Variants in FAM114A1 observed in about 807,000 individuals in gnomAD.
FAM114A1 encodes protein NOXP20.
Under a neutral mutation model 64.3 loss-of-function variants are expected in FAM114A1, and 62 were observed. That is an observed-to-expected ratio of 0.96 (90% CI 0.79 to 1.19). The LOEUF is 1.19. Ranked by LOEUF, FAM114A1 falls within the 50% of genes most tolerant of loss-of-function variation. The pLI, the probability that FAM114A1 is intolerant of heterozygous loss-of-function variation, is 0.00. For missense variants in FAM114A1, 645 were observed against 676.3 expected, an observed-to-expected ratio of 0.95 and a Z score of 0.51; for synonymous variants, 254 against 251.1, an observed-to-expected ratio of 1.01 and a Z score of -0.11.
intron 9 of FAM114A1, among the ~76,000 whole-genome samples, chr4:38,923,809 A>T (rs1719859856): frequency 6.6e-6 from 1 of 152,000 alleles, no homozygotes; most frequent in Non-Finnish European, 1.5e-5. Context: ...CCTCAAGGAG[A>T]TTAGAACTTA....
At chr4:38,879,145 C>T (rs1024689680) in intron 3 of FAM114A1, among the ~76,000 whole-genome samples, 3 of 151,936 alleles carry the variant, frequency 2.0e-5, no homozygotes, top group Non-Finnish European at 2.9e-5. Flanking sequence ...CATGTGGGGC[C>T]GGGCAGGGGT....
chr4:38,900,512 C>A (rs1115259), intron 4 of FAM114A1, among the ~76,000 whole-genome samples: 2 of 151,880 alleles, frequency 1.3e-5, no homozygotes, highest in South Asian at 2.1e-4. Context: ...TGTCGACAGA[C>A]GAATGGAAAA....
At chr4:38,887,879 C>A (rs1277991714) in intron 3 of FAM114A1, among the ~76,000 whole-genome samples, 1 of 152,134 alleles carries the variant, frequency 6.6e-6, no homozygotes, top group African/African-American at 2.4e-5. Flanking sequence ...CCCTTTTTAG[C>A]GTAGCTATGT....
chr4:38,940,414 A>T (rs1021062796), intron 13 of FAM114A1, among the ~76,000 whole-genome samples: 1 of 152,152 alleles, frequency 6.6e-6, no homozygotes, highest in Non-Finnish European at 1.5e-5. Flanking sequence ...GGCTTAGACT[A>T]GGTTAGGTGA....
At chr4:38,937,039 G>A (rs138783648) in intron 13 of FAM114A1, among the ~76,000 whole-genome samples, 26 of 152,274 alleles carry the variant, frequency 1.7e-4, no homozygotes, top group East Asian at 3.9e-4. Context: ...CTTAGTAGGC[G>A]CAGAGAAAAG....
chr4:38,871,090 T>G lies in FAM114A1; in HGVS notation c.-9+2544T>G, dbSNP rs533203523. ...ATGGCTTTCTTTTTTTTCTTTCTTTTTTTTTTTTTTTTTTTTTGCGACAGG... is the reference window on the plus strand; with the variant it reads ...ATGGCTTTCTTTTTTTTCTTTCTTTGTTTTTTTTTTTTTTTTTGCGACAGG... On this transcript the variant is annotated intron_variant, in intron 2 of 14. Coordinates refer to ENST00000358869, the MANE Select transcript of FAM114A1 (RefSeq NM_138389.4). Among the ~76,000 whole-genome samples the G allele has an allele frequency of 2.9e-5, 4 of 137,384 alleles. No homozygotes were observed. The East Asian group carries it at 8.1e-4, about 28-fold the overall frequency. The allele number at this position is 137,384 out of a possible 152,430, so 90.1% of individuals were successfully genotyped here.
chr4:38,876,169 C>CTTTTTTTTTTTTTT (rs1163508013), intron 2 of FAM114A1, among the ~76,000 whole-genome samples: 7 of 69,080 alleles, frequency 1.0e-4, no homozygotes, highest in Middle Eastern at 5.2e-3. Flanking sequence ...ATTCTTTTTT[C>CTTTTTTTTTTTTTT]TTTTTTTTTT....
chr4:38,936,316 G>A lies in FAM114A1; in HGVS notation c.1536+526G>A, dbSNP rs568055592. ...TCACCGTGTTAGCCAGGATGGTTTC[G>A]ATCTCCTGACCTCGTGATCCGCCCA... On this transcript the variant is annotated intron_variant, in intron 13 of 14. Transcript: ENST00000358869. 2.0e-5 allele frequency among the ~76,000 whole-genome samples: 3 copies of A among 151,716 alleles called. No homozygotes were observed. The East Asian group carries it at 5.8e-4, about 29-fold the overall frequency.
intron 7 of FAM114A1, among the ~76,000 whole-genome samples, chr4:38,910,180 A>G (rs1439637867): frequency 2.0e-5 from 3 of 152,232 alleles, no homozygotes; most frequent in Admixed American, 6.5e-5. Context: ...TGGTGATTAC[A>G]GTGAGCCGAG....
chr4:38,879,068 C>T (rs1044258773), intron 3 of FAM114A1, among the ~76,000 whole-genome samples: 2 of 152,196 alleles, frequency 1.3e-5, no homozygotes, highest in Admixed American at 6.5e-5. Flanking sequence ...GCCAGATCTC[C>T]CTGTTGGCAC....
At chr4:38,924,521 AT>A (rs1441634397) in intron 9 of FAM114A1, among the ~76,000 whole-genome samples, 5 of 152,196 alleles carry the variant, frequency 3.3e-5, no homozygotes. Flanking sequence ...AGAAACTGTC[AT>A]TTAGACACCC....
chr4:38,877,219 T>C (rs904172427), intron 2 of FAM114A1, among the ~76,000 whole-genome samples: 1 of 152,166 alleles, frequency 6.6e-6, no homozygotes, highest in Non-Finnish European at 1.5e-5. Flanking sequence ...TTTGGGATGA[T>C]TCAAGCACAT....
At position 38,928,163 on chromosome 4, in the gene FAM114A1, G is replaced by A. The variant is rs114166101; in HGVS notation, c.1070-1079G>A. 4.6e-3 allele frequency among the ~76,000 whole-genome samples: 706 copies of A among 152,332 alleles called. 5 individuals are homozygous for A. The highest frequency in any genetic ancestry group is 0.017 in the African/African-American group (689 of 41,568). On this transcript the variant is annotated intron_variant, in intron 9 of 14. Coordinates refer to ENST00000358869, the MANE Select transcript of FAM114A1 (RefSeq NM_138389.4). The stretch of plus-strand genomic sequence containing the variant: ...CAGAAAATAGCATCTCCAGACAAGG[G>A]CTGGATGCAGTGTTTCTCACATGGC...
At chr4:38,894,234 C>T (rs998810540) in intron 4 of FAM114A1, among the ~76,000 whole-genome samples, 4 of 150,008 alleles carry the variant, frequency 2.7e-5, no homozygotes, top group South Asian at 2.1e-4. Flanking sequence ...CTTGATCCGA[C>T]GTCATTGTCT....
chr4:38,895,580 A>C (rs1716849763), intron 4 of FAM114A1, among the ~76,000 whole-genome samples: 1 of 152,172 alleles, frequency 6.6e-6, no homozygotes, highest in Non-Finnish European at 1.5e-5. Flanking sequence ...TCACACTCCA[A>C]AGGGAAGGGA....
chr4:38,877,713 C>A (rs1714785190), intron 2 of FAM114A1, among the ~76,000 whole-genome samples: 2 of 152,146 alleles, frequency 1.3e-5, no homozygotes, highest in South Asian at 4.1e-4. Flanking sequence ...GCCTGTAATC[C>A]CAGCACTTCG....
chr4:38,904,157 A>G (rs1717772931), intron 4 of FAM114A1, among the ~76,000 whole-genome samples: 1 of 152,178 alleles, frequency 6.6e-6, no homozygotes, highest in African/African-American at 2.4e-5. Flanking sequence ...GAGGTCACCC[A>G]GGTCCCGAGA....
chr4:38,929,506 C>T (rs182340891), intron 10 of FAM114A1, among the ~76,000 whole-genome samples, 173 bp downstream of exon 10: 6 of 152,312 alleles, frequency 3.9e-5, no homozygotes, highest in African/African-American at 9.6e-5. Context: ...GGGCTGGGCA[C>T]GTGGCTCACG....
chr4:38,874,146 G>A (rs1014902777), intron 2 of FAM114A1, among the ~76,000 whole-genome samples: 10 of 152,142 alleles, frequency 6.6e-5, no homozygotes, highest in African/African-American at 2.4e-4. Flanking sequence ...AGTCAGACAC[G>A]GGTTCAAATT....
Sources: gnomAD v4.1 joint callset for allele counts (sites outside exome capture counted in the v4.1 genomes callset) on GRCh38, gnomAD v4.1.1 for gene constraint, MANE v1.5 for transcripts, NCBI Gene and HGNC (gene_info 2026-07-23, HGNC 2026-07-21) for gene names.